Variants in ADAM22 observed in about 807,000 individuals in gnomAD.
ADAM22 encodes ADAM metallopeptidase domain 22, also known as disintegrin and metalloproteinase domain-containing protein 22.
ADAM22 carries 65 observed loss-of-function variants against 144.6 expected under a neutral mutation model. That is an observed-to-expected ratio of 0.45 (90% CI 0.37 to 0.55). ADAM22 has a LOEUF of 0.55. Among genes scored for constraint, ADAM22 ranks in the 20% least tolerant of loss-of-function variants. The pLI, the probability that ADAM22 is intolerant of heterozygous loss-of-function variation, is 0.00. For missense variants in ADAM22, 974 were observed against 1,184.9 expected (o/e 0.82, Z 2.61); for synonymous variants, 391 against 412.6 (o/e 0.95, Z 0.63).
chr7:88,141,548 T>C (rs1834659676), intron 14 of ADAM22, among the ~76,000 whole-genome samples: 1 of 152,128 alleles, frequency 6.6e-6, no homozygotes, highest in Non-Finnish European at 1.5e-5. Context: ...TTTTCCCTTT[T>C]TATCAAAGCT....
At chr7:88,106,800 C>T (rs1046161195) in intron 4 of ADAM22, among the ~76,000 whole-genome samples, 9 of 152,144 alleles carry the variant, frequency 5.9e-5, no homozygotes, top group Admixed American at 2.0e-4. Context: ...TTAACAACCT[C>T]CTAGTGATGT....
Position 88,192,433 on chromosome 7 carries a change from A to C in ADAM22, c.2751-683A>C, listed in dbSNP as rs372319678. Among the ~76,000 whole-genome samples the C allele has an allele frequency of 2.0e-5, 3 of 152,244 alleles. No individual in the cohort carries two copies. In the South Asian group the frequency reaches 6.2e-4, roughly 31 times the overall value. On this transcript the variant is annotated intron_variant, in intron 30 of 31. Transcript: ENST00000413139. ...ACCACTACACATGCAAAATCAATCAAGTACAGCATAATACAGCAGCAGCTT... is the reference window on the plus strand; with the variant it reads ...ACCACTACACATGCAAAATCAATCACGTACAGCATAATACAGCAGCAGCTT...
At position 88,054,004 on chromosome 7, in the gene ADAM22, C is replaced by T. The variant is rs185473411; in HGVS notation, c.324-21622C>T. On this transcript the variant is annotated intron_variant, in intron 3 of 31. Coordinates refer to ENST00000413139, the MANE Select transcript of ADAM22 (RefSeq NM_001324418.2). ...AAAATTAGCCAGGCATGGTAGCATG[C>T]GCCTGTAATTCCAGCTACTCGGGAG... Among the ~76,000 whole-genome samples the T allele has an allele frequency of 1.5e-3, 225 of 152,036 alleles. 1 individual carries two copies. Among genetic ancestry groups the T allele is most frequent in the African/African-American group, 4.9e-3 (205 of 41,486 alleles).
At chr7:87,950,267 T>A (rs1400180733) in intron 2 of ADAM22, among the ~76,000 whole-genome samples, 1 of 148,680 alleles carries the variant, frequency 6.7e-6, no homozygotes, top group East Asian at 2.1e-4. Flanking sequence ...TAGGTATATC[T>A]CCTAATGCTA....
chr7:88,130,315 C>A, intron 9 of ADAM22, 73 bp from the exon 10 acceptor site: 2 of 1,163,842 alleles, frequency 1.7e-6, no homozygotes, highest in African/African-American at 1.6e-5. Flanking sequence ...TCAATTGCAC[C>A]ATGTTTTCTC....
At chr7:87,936,067 C>T (rs1296348755) in intron 2 of ADAM22, among the ~76,000 whole-genome samples, 1 of 152,124 alleles carries the variant, frequency 6.6e-6, no homozygotes, top group Admixed American at 6.5e-5. Flanking sequence ...GCAAGCCAAA[C>T]CTTTTCACAT....
intron 15 of ADAM22, among the ~76,000 whole-genome samples, chr7:88,144,308 A>G (rs1835692115): frequency 6.6e-6 from 1 of 152,170 alleles, no homozygotes; most frequent in South Asian, 2.1e-4. Context: ...CTGGCATATA[A>G]CAATTATTTA....
At chr7:88,108,028 A>G (rs1824912104) in intron 4 of ADAM22, 148 bp from the exon 5 acceptor site, 1 of 604,794 alleles carries the variant, frequency 1.7e-6, no homozygotes, top group Admixed American at 3.4e-5. Flanking sequence ...ATTCTGTTAG[A>G]AAAGATTTGA....
chr7:88,114,542 A>C (rs1021600677), intron 5 of ADAM22, 42 bp from the exon 6 acceptor site: 8 of 1,581,230 alleles, frequency 5.1e-6, no homozygotes, highest in Non-Finnish European at 6.9e-6. Flanking sequence ...TTCTGGGATG[A>C]GAGTCGATGG....
Position 88,179,032 on chromosome 7 carries a change from T to G in ADAM22, c.2398T>G (p.Ser800Ala), listed in dbSNP as rs1414799871. 1.2e-6 allele frequency: 2 copies of G among 1,612,984 alleles called. No individual in the cohort carries two copies. Among genetic ancestry groups the G allele is most frequent in the Middle Eastern group, 1.6e-4 (1 of 6,082 alleles). ...AGTCAGCACAAACTCAGCATCTAGT[T>G]CTAAGAAGAGGTCTGCTTTTCTGTC... The part of the protein sequence containing the change: ...PGVSTNSASS[S>A]KKRSAFLSHF... Residue 800 changes from serine to alanine, a missense_variant, in exon 27 of 32, where the codon TCT becomes GCT. Transcript: ENST00000413139.
At chr7:88,106,296 G>C (rs919666037) in intron 4 of ADAM22, among the ~76,000 whole-genome samples, 1 of 152,138 alleles carries the variant, frequency 6.6e-6, no homozygotes, top group Non-Finnish European at 1.5e-5. Context: ...GGTGGTTTAA[G>C]GTCCAGGATT....
intron 2 of ADAM22, among the ~76,000 whole-genome samples, chr7:87,959,015 C>A (rs1342522804): frequency 1.3e-5 from 2 of 151,590 alleles, no homozygotes; most frequent in African/African-American, 2.4e-5. Flanking sequence ...CTTAATGATT[C>A]TTGGTCTGTC....
At chr7:87,947,392 A>G (rs535289267) in intron 2 of ADAM22, among the ~76,000 whole-genome samples, 2 of 152,304 alleles carry the variant, frequency 1.3e-5, no homozygotes, top group East Asian at 3.9e-4. Context: ...GATAGGGGAA[A>G]TTCAAGAAGT....
chr7:88,193,048 C>G, intron 30 of ADAM22, 68 bp from the exon 31 acceptor site: 1 of 1,593,388 alleles, frequency 6.3e-7, no homozygotes. Flanking sequence ...GTTCTGAACA[C>G]ACTTTTCAGA....
At chr7:87,950,058 C>T (rs1469264531) in intron 2 of ADAM22, among the ~76,000 whole-genome samples, 1 of 152,024 alleles carries the variant, frequency 6.6e-6, no homozygotes, top group Non-Finnish European at 1.5e-5. Context: ...CAGTAGAGAA[C>T]AGGCACATTA....
chr7:88,166,902 GA>G (rs1483712260), intron 24 of ADAM22, among the ~76,000 whole-genome samples: 1 of 151,962 alleles, frequency 6.6e-6, no homozygotes, highest in Non-Finnish European at 1.5e-5. Flanking sequence ...TAAGTCCCTG[GA>G]AAAAAAGGAA....
At chr7:88,165,665 T>G (rs1465268597) in intron 23 of ADAM22, among the ~76,000 whole-genome samples, 167 bp from the exon 24 acceptor site, 1 of 152,112 alleles carries the variant, frequency 6.6e-6, no homozygotes, top group African/African-American at 2.4e-5. Flanking sequence ...AAACATTTGC[T>G]TGAGGTACTG....
At chr7:87,994,609 C>T (rs1366825081) in intron 3 of ADAM22, among the ~76,000 whole-genome samples, 1 of 149,270 alleles carries the variant, frequency 6.7e-6, no homozygotes, top group African/African-American at 2.5e-5. Flanking sequence ...TTAAAGTGTT[C>T]TTTTTTTTTT....
At chr7:88,144,052 T>G (rs1835596642) in intron 15 of ADAM22, among the ~76,000 whole-genome samples, 2 of 152,222 alleles carry the variant, frequency 1.3e-5, no homozygotes, top group Non-Finnish European at 2.9e-5. Context: ...GTTTTTTATT[T>G]GTTATGATCA....
Sources: gnomAD v4.1 joint callset for allele counts (sites outside exome capture counted in the v4.1 genomes callset) on GRCh38, gnomAD v4.1.1 for gene constraint, MANE v1.5 for transcripts, NCBI Gene and HGNC (gene_info 2026-07-23, HGNC 2026-07-21) for gene names.